The following LRRC4C variants were observed in gnomAD, a reference collection of about 807,000 sequenced individuals.
LRRC4C encodes leucine rich repeat containing 4C, also known as leucine-rich repeat-containing protein 4C.
In LRRC4C, 5 loss-of-function variants were observed where a neutral mutation model predicts 33.6. The ratio of observed to expected loss-of-function variants is 0.15; its 90% confidence interval spans 0.08 to 0.31. LRRC4C has a LOEUF of 0.31. Among genes scored for constraint, LRRC4C ranks in the 10% least tolerant of loss-of-function variants. The pLI is 1.00. For synonymous variants in LRRC4C, 329 were observed against 302.0 expected (o/e 1.09, Z -0.93); for missense variants, 560 against 796.7 (o/e 0.70, Z 3.58).
intron 3 of LRRC4C, among the ~76,000 whole-genome samples, chr11:40,375,113 A>G (rs978828677): frequency 6.6e-6 from 1 of 152,182 alleles, no homozygotes; most frequent in Non-Finnish European, 1.5e-5. Flanking sequence ...TAAGCCATAT[A>G]GCTGATGGAG....
intron 2 of LRRC4C, among the ~76,000 whole-genome samples, chr11:40,893,026 A>G (rs1216687803): frequency 6.6e-6 from 1 of 152,156 alleles, no homozygotes; most frequent in Non-Finnish European, 1.5e-5. Context: ...TTCTAAGAAC[A>G]TAGTTATAAC....
chr11:41,260,569 A>G (rs1275306931), intron 1 of LRRC4C, among the ~76,000 whole-genome samples: 3 of 146,350 alleles, frequency 2.0e-5, no homozygotes, highest in Non-Finnish European at 4.4e-5. Flanking sequence ...ACAGTACAGG[A>G]AAAAATATAT....
intron 3 of LRRC4C, among the ~76,000 whole-genome samples, chr11:40,359,820 A>C (rs1380235762): frequency 6.6e-6 from 1 of 152,204 alleles, no homozygotes; most frequent in Non-Finnish European, 1.5e-5. Context: ...ATCTATTTGA[A>C]AATTAGAGTT....
chr11:40,429,965 G>A lies in LRRC4C; in HGVS notation c.-269-110244C>T, dbSNP rs1018607492. Among the ~76,000 whole-genome samples the A allele has an allele frequency of 3.9e-5, 6 of 152,162 alleles. No homozygotes were observed. The South Asian group carries it at 6.2e-4, about 16-fold the overall frequency. On this transcript the variant is annotated intron_variant, in intron 3 of 6. Coordinates refer to ENST00000528697, the MANE Select transcript of LRRC4C (RefSeq NM_001258419.2). ...ACATTATTCTCATTAGTTTCAAAGC[G>A]CAGTTATTATTCCAAAGTATTTTAA...
At position 40,448,074 on chromosome 11, in the gene LRRC4C, T is replaced by C. The variant is rs574894866; in HGVS notation, c.-269-128353A>G. ...GCCTACCTCAGTCCCCCAAAAATGC[T>C]GGGATTACAAGCATGAACCACCGCA... On this transcript the variant is annotated intron_variant, in intron 3 of 6. Coordinates refer to ENST00000528697, the MANE Select transcript of LRRC4C (RefSeq NM_001258419.2). 2.8e-4 allele frequency among the ~76,000 whole-genome samples: 42 copies of C among 152,142 alleles called. No individual in the cohort carries two copies. The South Asian group carries it at 7.7e-3, about 28-fold the overall frequency.
At chr11:41,427,125 G>A (rs1018712717) in intron 1 of LRRC4C, among the ~76,000 whole-genome samples, 1 of 152,156 alleles carries the variant, frequency 6.6e-6, no homozygotes, top group Non-Finnish European at 1.5e-5. Flanking sequence ...TGATGACTTA[G>A]GTGATGACCT....
At chr11:40,326,935 G>C (rs999384854) in intron 3 of LRRC4C, among the ~76,000 whole-genome samples, 1 of 152,166 alleles carries the variant, frequency 6.6e-6, no homozygotes, top group Non-Finnish European at 1.5e-5. Flanking sequence ...AGTGATAAAG[G>C]TTTCAAACAC....
chr11:40,963,673 T>C (rs150163927), intron 1 of LRRC4C, among the ~76,000 whole-genome samples: 348 of 151,868 alleles, frequency 2.3e-3, no homozygotes, highest in Non-Finnish European at 4.0e-3. Flanking sequence ...TTTAAAATAA[T>C]ATAGCTCTCC....
chr11:40,905,454 A>G (rs746768236), intron 2 of LRRC4C, among the ~76,000 whole-genome samples: 3 of 152,058 alleles, frequency 2.0e-5, no homozygotes, highest in Non-Finnish European at 4.4e-5. Flanking sequence ...AACAAACTCT[A>G]TTGCTGAGTT....
At chr11:41,078,519 A>T (rs147263397) in intron 1 of LRRC4C, among the ~76,000 whole-genome samples, 34 of 152,328 alleles carry the variant, frequency 2.2e-4, no homozygotes, top group Admixed American at 4.6e-4. Context: ...GCAGAAGGTG[A>T]AGGAAAAGCA....
At chr11:40,683,147 G>A (rs1009753432) in intron 2 of LRRC4C, among the ~76,000 whole-genome samples, 4 of 152,078 alleles carry the variant, frequency 2.6e-5, no homozygotes, top group Non-Finnish European at 2.9e-5. Context: ...AGTTCTATGC[G>A]GGAAAGCAGC....
intron 3 of LRRC4C, among the ~76,000 whole-genome samples, chr11:40,538,177 A>T (rs1307087197): frequency 6.6e-6 from 1 of 152,064 alleles, no homozygotes; most frequent in Non-Finnish European, 1.5e-5. Flanking sequence ...TCTCCAGGTG[A>T]TTCTAACATG....
intron 6 of LRRC4C, among the ~76,000 whole-genome samples, chr11:40,129,020 T>C (rs893969495): frequency 6.6e-6 from 1 of 152,158 alleles, no homozygotes; most frequent in African/African-American, 2.4e-5. Flanking sequence ...TTAATTTCCA[T>C]GGAGTAGAGA....
intron 3 of LRRC4C, among the ~76,000 whole-genome samples, chr11:40,367,504 A>G (rs1948262598): frequency 6.6e-6 from 1 of 152,044 alleles, no homozygotes; most frequent in Non-Finnish European, 1.5e-5. Flanking sequence ...TTTTTTCACA[A>G]TGCAATGCAT....
chr11:40,971,705 A>G (rs1179754657), intron 1 of LRRC4C, among the ~76,000 whole-genome samples: 1 of 152,134 alleles, frequency 6.6e-6, no homozygotes, highest in Non-Finnish European at 1.5e-5. Context: ...TGCACCTTGC[A>G]CCTGGTAAAG....
intron 3 of LRRC4C, among the ~76,000 whole-genome samples, chr11:40,371,480 C>G (rs751943930): frequency 1.3e-5 from 2 of 152,180 alleles, no homozygotes; most frequent in African/African-American, 4.8e-5. Flanking sequence ...TACAACTTCA[C>G]AAATGCCTAA....
chr11:41,009,047 G>T (rs1854973140), intron 1 of LRRC4C, among the ~76,000 whole-genome samples: 1 of 151,924 alleles, frequency 6.6e-6, no homozygotes, highest in African/African-American at 2.4e-5. Context: ...AACTTTTAAA[G>T]ACATTGAAAG....
intron 1 of LRRC4C, among the ~76,000 whole-genome samples, chr11:41,234,241 A>T (rs1033898544): frequency 6.6e-6 from 1 of 152,012 alleles, no homozygotes; most frequent in South Asian, 2.1e-4. Context: ...TTTTTAATTG[A>T]CAAATGAAAT....
intron 1 of LRRC4C, among the ~76,000 whole-genome samples, chr11:41,262,749 T>C (rs1310926682): frequency 1.3e-5 from 2 of 152,132 alleles, no homozygotes; most frequent in African/African-American, 2.4e-5. Flanking sequence ...TTTGAAATAA[T>C]AGCTTCTGTG....
Sources: gnomAD v4.1 joint callset for allele counts (sites outside exome capture counted in the v4.1 genomes callset) on GRCh38, gnomAD v4.1.1 for gene constraint, MANE v1.5 for transcripts, NCBI Gene and HGNC (gene_info 2026-07-23, HGNC 2026-07-21) for gene names.